DOCK4: variants seen among roughly 807,000 people sequenced by gnomAD.
DOCK4 encodes the protein dedicator of cytokinesis 4, also known as dedicator of cytokinesis protein 4.
In DOCK4, 97 loss-of-function variants were observed where a neutral mutation model predicts 268.1. The observed-to-expected ratio is 0.36, with a 90% CI of 0.31 to 0.43. The LOEUF (loss-of-function observed/expected upper bound fraction) is 0.43, where lower values mean the gene tolerates loss of function less well. Ranked by LOEUF, DOCK4 falls within the 20% of genes least tolerant of loss-of-function variation. DOCK4 has a pLI of 1.00. For missense variants in DOCK4, 2,145 were observed against 2,455.7 expected, an observed-to-expected ratio of 0.87 and a Z score of 2.67; for synonymous variants, 954 against 887.2, an observed-to-expected ratio of 1.08 and a Z score of -1.34.
chr7:111,861,799 G>C lies in DOCK4; in HGVS notation c.2473+1573C>G, dbSNP rs150530216. ...ATTAATAAAAAAAACACTCCAAAGA[G>C]TGACATACAATGTACTGTTATCATT... On this transcript the variant is annotated intron_variant, in intron 23 of 52. Transcript: ENST00000428084. Among the ~76,000 whole-genome samples, 25 of 149,502 alleles carry C rather than the reference G, an allele frequency of 1.7e-4. No homozygotes were observed. The East Asian group carries it at 4.7e-3, about 28-fold the overall frequency.
intron 20 of DOCK4, among the ~76,000 whole-genome samples, chr7:111,871,777 A>G (rs1409230321): frequency 6.6e-6 from 1 of 152,228 alleles, no homozygotes; most frequent in African/African-American, 2.4e-5. Context: ...GCTCAGGAAT[A>G]GAATTCAGGA....
At chr7:111,991,671 A>G (rs1431698431) in intron 5 of DOCK4, among the ~76,000 whole-genome samples, 1 of 152,114 alleles carries the variant, frequency 6.6e-6, no homozygotes, top group Non-Finnish European at 1.5e-5. Flanking sequence ...AAGAATAAAA[A>G]GTGCCTGGCG....
chr7:112,036,572 A>G (rs1803789653), intron 1 of DOCK4, among the ~76,000 whole-genome samples: 1 of 152,038 alleles, frequency 6.6e-6, no homozygotes, highest in South Asian at 2.1e-4. Context: ...AACAAAGGGT[A>G]CGGATCTTAG....
chr7:111,901,444 T>G (rs551300682), intron 14 of DOCK4, among the ~76,000 whole-genome samples: 2 of 152,164 alleles, frequency 1.3e-5, no homozygotes, highest in Non-Finnish European at 2.9e-5. Context: ...TTTCCTGGCT[T>G]GTCTTCAGCA....
intron 1 of DOCK4, among the ~76,000 whole-genome samples, chr7:112,035,400 C>T (rs187175802): frequency 2.6e-5 from 4 of 151,994 alleles, no homozygotes; most frequent in African/African-American, 4.8e-5. Flanking sequence ...AGAAGACTTT[C>T]GGTGAATGTG....
At chr7:111,734,920 G>A in intron 51 of DOCK4, 134 bp downstream of exon 51, 1 of 692,384 alleles carries the variant, frequency 1.4e-6, no homozygotes, top group Non-Finnish European at 2.5e-6. Flanking sequence ...CAATTGTCAA[G>A]GAATTATGCA....
intron 1 of DOCK4, among the ~76,000 whole-genome samples, chr7:112,170,841 T>C (rs1487661382): frequency 2.0e-5 from 3 of 152,174 alleles, no homozygotes; most frequent in Non-Finnish European, 4.4e-5. Flanking sequence ...CCTCAGAGAA[T>C]AGTATACACT....
At chr7:112,150,181 G>A (rs1270564102) in intron 1 of DOCK4, among the ~76,000 whole-genome samples, 1 of 152,088 alleles carries the variant, frequency 6.6e-6, no homozygotes, top group Non-Finnish European at 1.5e-5. Context: ...TTTTGCCTGA[G>A]AAATTTCTCC....
At chr7:111,957,772 C>T (rs1223062919) in intron 8 of DOCK4, among the ~76,000 whole-genome samples, 5 of 152,148 alleles carry the variant, frequency 3.3e-5, no homozygotes, top group East Asian at 3.9e-4. Flanking sequence ...AATGAATGAA[C>T]GAATGAACAT....
At chr7:112,095,132 T>C (rs1231428062) in intron 1 of DOCK4, among the ~76,000 whole-genome samples, 2 of 152,342 alleles carry the variant, frequency 1.3e-5, no homozygotes, top group African/African-American at 4.8e-5. Flanking sequence ...CTACTTTACT[T>C]ACCATTGATC....
chr7:111,774,010 T>C (rs574525508), intron 36 of DOCK4, among the ~76,000 whole-genome samples: 2 of 151,426 alleles, frequency 1.3e-5, no homozygotes, highest in East Asian at 2.0e-4. Flanking sequence ...GAGTCAAACC[T>C]TGTCTCAAAA....
At chr7:111,742,186 GT>G in intron 44 of DOCK4, 54 bp from the exon 45 acceptor site, 1 of 1,508,340 alleles carries the variant, frequency 6.6e-7, no homozygotes, top group Non-Finnish European at 8.9e-7. Context: ...CTCTCACTAA[GT>G]GCCTGCTATG....
intron 41 of DOCK4, 118 bp downstream of exon 41, chr7:111,758,506 T>C (rs1797183727): frequency 7.7e-6 from 9 of 1,163,174 alleles, no homozygotes; most frequent in Non-Finnish European, 1.1e-5. Flanking sequence ...ATGATTTATA[T>C]AGTCCCTTCT....
rs1251915443 is a variant in DOCK4 at position 111,783,824 on chromosome 7, C to T, written c.3524+33G>A. The stretch of plus-strand genomic sequence containing the variant: ...TTTTCTAACTGGAGTTCAGCATGAA[C>T]TGGAGTTCAGAAAAACATGCGACTT... On this transcript the variant is annotated intron_variant, in intron 34 of 52. Transcript: ENST00000428084. 5 of 1,546,624 alleles carry T rather than the reference C, an allele frequency of 3.2e-6. No individual in the cohort carries two copies. The Admixed American group carries it at 9.3e-5, about 29-fold the overall frequency.
At chr7:111,929,094 T>C (rs1053239761) in intron 12 of DOCK4, among the ~76,000 whole-genome samples, 2 of 152,178 alleles carry the variant, frequency 1.3e-5, no homozygotes, top group African/African-American at 4.8e-5. Flanking sequence ...AAGAAATGTA[T>C]ATATGTATGA....
chr7:112,193,927 C>A (rs1460496722), intron 1 of DOCK4, among the ~76,000 whole-genome samples: 1 of 151,992 alleles, frequency 6.6e-6, no homozygotes, highest in African/African-American at 2.4e-5. Flanking sequence ...CCTCACATGG[C>A]CCTTTCTCAT....
chr7:111,734,204 A>C (rs1795311230), intron 51 of DOCK4, among the ~76,000 whole-genome samples: 1 of 151,768 alleles, frequency 6.6e-6, no homozygotes, highest in East Asian at 1.9e-4. Flanking sequence ...GGCCTCCCAA[A>C]GTGCTGGGAT....
chr7:112,128,293 G>GC (rs1491243213), intron 1 of DOCK4, among the ~76,000 whole-genome samples: 1 of 150,500 alleles, frequency 6.6e-6, no homozygotes, highest in East Asian at 2.0e-4. Context: ...GGAGGGAGGT[G>GC]GGGGGGGTCA....
intron 11 of DOCK4, among the ~76,000 whole-genome samples, chr7:111,938,544 G>A (rs780986484): frequency 1.3e-5 from 2 of 152,112 alleles, no homozygotes; most frequent in Non-Finnish European, 2.9e-5. Flanking sequence ...AGGCCTCAAC[G>A]TCCAAGCCTG....
Sources: allele counts gnomAD v4.1 joint callset (sites outside exome capture counted in the v4.1 genomes callset), GRCh38; gene constraint gnomAD v4.1.1; transcripts MANE v1.5; gene names NCBI Gene and HGNC (gene_info 2026-07-23, HGNC 2026-07-21).